The following SYT9 variants were observed in gnomAD, a reference collection of about 807,000 sequenced individuals.
SYT9 encodes synaptotagmin 9.
In SYT9, 22 loss-of-function variants were observed where a neutral mutation model predicts 48.4. That is an observed-to-expected ratio of 0.45 (90% CI 0.32 to 0.65). The LOEUF (loss-of-function observed/expected upper bound fraction) is 0.65, where lower values mean the gene tolerates loss of function less well. SYT9 is among the 30% of genes least tolerant of loss of function. The probability of loss-of-function intolerance (pLI) is 0.03; values close to 1 mark genes in which losing one functional copy is unlikely to be tolerated. For synonymous variants in SYT9, 265 were observed against 245.0 expected (o/e 1.08, Z -0.76); for missense variants, 577 against 622.0 (o/e 0.93, Z 0.77).
intron 6 of SYT9, among the ~76,000 whole-genome samples, chr11:7,430,287 TAAAG>T (rs1161246427): frequency 2.6e-5 from 4 of 152,132 alleles, no homozygotes; most frequent in Admixed American, 1.3e-4. Context: ...ATGCTTGAAA[TAAAG>T]AAAAGAGGGT....
At chr11:7,354,640 T>C (rs1849982430) in intron 3 of SYT9, among the ~76,000 whole-genome samples, 1 of 152,152 alleles carries the variant, frequency 6.6e-6, no homozygotes, top group South Asian at 2.1e-4. Flanking sequence ...TACTTTCCCA[T>C]GCTGTCTGCT....
intron 3 of SYT9, among the ~76,000 whole-genome samples, chr11:7,393,589 T>C (rs1243244377): frequency 6.6e-6 from 1 of 152,118 alleles, no homozygotes; most frequent in Non-Finnish European, 1.5e-5. Context: ...CTTTGCCAGA[T>C]TTTGGTGTCA....
chr11:7,404,863 A>C (rs928940832), intron 3 of SYT9, among the ~76,000 whole-genome samples: 2 of 152,212 alleles, frequency 1.3e-5, no homozygotes, highest in Non-Finnish European at 2.9e-5. Flanking sequence ...TACAGTGATC[A>C]AAGGCCACTA....
At chr11:7,358,483 A>G (rs1850065815) in intron 3 of SYT9, among the ~76,000 whole-genome samples, 1 of 152,188 alleles carries the variant, frequency 6.6e-6, no homozygotes, top group Admixed American at 6.5e-5. Context: ...GTCCTCCTGT[A>G]CAATATTCTA....
intron 1 of SYT9, among the ~76,000 whole-genome samples, chr11:7,265,261 T>C (rs1280458649): frequency 1.3e-5 from 2 of 152,114 alleles, no homozygotes; most frequent in Admixed American, 1.3e-4. Flanking sequence ...GGGATGTGTA[T>C]GACATCTCAT....
chr11:7,441,984 C>T (rs1426468837), intron 6 of SYT9, among the ~76,000 whole-genome samples: 1 of 152,118 alleles, frequency 6.6e-6, no homozygotes, highest in Non-Finnish European at 1.5e-5. Context: ...GACAACTCTG[C>T]ACTCCATTAT....
At chr11:7,415,825 A>T (rs1029432223) in intron 3 of SYT9, among the ~76,000 whole-genome samples, 1 of 152,172 alleles carries the variant, frequency 6.6e-6, no homozygotes. Context: ...CAGCTTTGCC[A>T]TCCAAAGATA....
chr11:7,466,845 C>G lies in SYT9; in HGVS notation c.*45C>G. 1 of 1,606,096 alleles carries G rather than the reference C, an allele frequency of 6.2e-7. No homozygotes were observed. ...TTGTGCCAAGGACAAAATAGGACAA[C>G]CATCTCACAAAGATCTTAAGTAACT... On this transcript the variant is annotated 3_prime_UTR_variant, in exon 7 of 7. Coordinates refer to ENST00000318881, the MANE Select transcript of SYT9 (RefSeq NM_175733.4).
At chr11:7,341,806 G>A (rs1281200899) in intron 3 of SYT9, among the ~76,000 whole-genome samples, 1 of 152,006 alleles carries the variant, frequency 6.6e-6, no homozygotes, top group Non-Finnish European at 1.5e-5. Context: ...GTCAGTCTTT[G>A]TATTATTTCA....
chr11:7,290,461 G>C (rs1025951393), intron 1 of SYT9, among the ~76,000 whole-genome samples: 7 of 152,118 alleles, frequency 4.6e-5, no homozygotes, highest in Admixed American at 6.6e-5. Context: ...CTACTATACT[G>C]CTCTGCCTGC....
chr11:7,254,629 G>A (rs1416132424), intron 1 of SYT9, among the ~76,000 whole-genome samples: 2 of 152,144 alleles, frequency 1.3e-5, no homozygotes, highest in African/African-American at 4.8e-5. Context: ...CTGAGACATG[G>A]GTTCCTAGAG....
intron 3 of SYT9, among the ~76,000 whole-genome samples, chr11:7,389,782 A>G (rs1464689086): frequency 6.6e-6 from 1 of 152,188 alleles, no homozygotes; most frequent in Non-Finnish European, 1.5e-5. Context: ...TTCAGAAGGC[A>G]TAAGTACAAA....
intron 3 of SYT9, among the ~76,000 whole-genome samples, chr11:7,394,826 C>G (rs1003635983): frequency 2.6e-5 from 4 of 152,104 alleles, no homozygotes; most frequent in Admixed American, 2.0e-4. Context: ...TCCCTGTAAA[C>G]TTTACTCTTA....
At chr11:7,454,929 A>G (rs897707384) in intron 6 of SYT9, among the ~76,000 whole-genome samples, 1 of 152,358 alleles carries the variant, frequency 6.6e-6, no homozygotes, top group Admixed American at 6.5e-5. Context: ...CATGGCTGAG[A>G]GATACATGCC....
At chr11:7,342,254 A>G (rs977090112) in intron 3 of SYT9, among the ~76,000 whole-genome samples, 1 of 152,228 alleles carries the variant, frequency 6.6e-6, no homozygotes, top group Non-Finnish European at 1.5e-5. Flanking sequence ...TCATTTTAGC[A>G]TTAACTCAAA....
intron 1 of SYT9, among the ~76,000 whole-genome samples, chr11:7,279,849 C>T (rs1473659800): frequency 6.6e-6 from 1 of 152,204 alleles, no homozygotes; most frequent in Non-Finnish European, 1.5e-5. Context: ...TCTAATTGCC[C>T]TGGGTCAAGC....
At chr11:7,275,878 C>T (rs771910243) in intron 1 of SYT9, among the ~76,000 whole-genome samples, 1 of 152,180 alleles carries the variant, frequency 6.6e-6, no homozygotes, top group Admixed American at 6.5e-5. Context: ...CAAAAGTCCC[C>T]ATATGTGCCT....
intron 3 of SYT9, among the ~76,000 whole-genome samples, chr11:7,351,493 T>C (rs888318721): frequency 2.0e-5 from 3 of 152,112 alleles, no homozygotes; most frequent in Non-Finnish European, 4.4e-5. Flanking sequence ...GGACTGGAGC[T>C]CCAGACTGCT....
chr11:7,331,026 T>C (rs1463979330), intron 3 of SYT9, among the ~76,000 whole-genome samples: 2 of 151,840 alleles, frequency 1.3e-5, no homozygotes, highest in African/African-American at 4.8e-5. Flanking sequence ...CTCGAACTCC[T>C]GACTCAAGTG....
Sources: allele counts gnomAD v4.1 joint callset (sites outside exome capture counted in the v4.1 genomes callset), GRCh38; gene constraint gnomAD v4.1.1; transcripts MANE v1.5; gene names NCBI Gene and HGNC (gene_info 2026-07-23, HGNC 2026-07-21).